EML6: variants seen among roughly 807,000 people sequenced by gnomAD.
EML6 encodes the protein echinoderm microtubule-associated protein-like 6.
In EML6, 154 loss-of-function variants were observed where a neutral mutation model predicts 240.1. The ratio of observed to expected loss-of-function variants is 0.64; its 90% CI spans 0.56 to 0.73. EML6 has a LOEUF of 0.73. Ranked by LOEUF, EML6 falls within the 30% of genes least tolerant of loss-of-function variation. The pLI is 0.00. For synonymous variants in EML6, 1,148 were observed against 899.0 expected, an observed-to-expected ratio of 1.28 and a Z score of -4.95; for missense variants, 2,964 against 2,474.6, an observed-to-expected ratio of 1.20 and a Z score of -4.20.
chr2:54,836,156 T>C (rs903794063), intron 7 of EML6, among the ~76,000 whole-genome samples: 1 of 152,062 alleles, frequency 6.6e-6, no homozygotes, highest in Non-Finnish European at 1.5e-5. Context: ...AGCCAGGAGA[T>C]GTGGTGTCAC....
intron 2 of EML6, among the ~76,000 whole-genome samples, chr2:54,803,343 G>T (rs891345068): frequency 2.6e-5 from 4 of 152,238 alleles, no homozygotes; most frequent in African/African-American, 9.6e-5. Flanking sequence ...CCTCAATTTA[G>T]CCCTATTTGT....
rs1674680674 is a variant in EML6, at chr2:54,928,518, AG to A, written c.3877+5del. The A allele has an allele frequency of 6.5e-7, 1 of 1,544,004 alleles. No homozygotes were observed. Among genetic ancestry groups the A allele is most frequent in the African/African-American group, 1.4e-5 (1 of 72,862 alleles). On this transcript the variant is annotated splice_donor_5th_base_variant and intron_variant, in intron 27 of 41. Coordinates refer to ENST00000356458, the MANE Select transcript of EML6 (RefSeq NM_001039753.4). ...ACCGACGTGGAAGAGGATGGAGGTG[AG>A]CCCCCCACCTGCCACATGCCTCCTG...
At chr2:54,802,203 A>G (rs1670189284) in intron 2 of EML6, among the ~76,000 whole-genome samples, 1 of 152,362 alleles carries the variant, frequency 6.6e-6, no homozygotes, top group Middle Eastern at 3.4e-3. Context: ...TAAAACACTG[A>G]TGGCAGAATT....
chr2:54,843,348 G>A (rs1371506817), intron 7 of EML6, among the ~76,000 whole-genome samples: 1 of 151,968 alleles, frequency 6.6e-6, no homozygotes, highest in Non-Finnish European at 1.5e-5. Context: ...GGATTACTTT[G>A]AGCCCCGGAA....
rs1011686223 is a variant in EML6, at chr2:54,879,813, A to T, written c.2438+173A>T. 12 of 595,884 alleles carry T rather than the reference A, an allele frequency of 2.0e-5. No homozygotes were observed. The African/African-American group carries it at 2.2e-4, about 11-fold the overall frequency. 36.9% of individuals were successfully genotyped at this position (595,884 alleles called of 1,614,324 possible). The stretch of plus-strand genomic sequence containing the variant: ...TATTTCATGGTGCCAAACCTGACTT[A>T]GAGCAGGTCATGTTTGTTGCGGTGA... On this transcript the variant is annotated intron_variant, in intron 17 of 41. Coordinates refer to ENST00000356458, the MANE Select transcript of EML6 (RefSeq NM_001039753.4).
At chr2:54,916,603 C>A (rs1371593131) in intron 25 of EML6, among the ~76,000 whole-genome samples, 156 bp from the exon 26 acceptor site, 2 of 152,176 alleles carry the variant, frequency 1.3e-5, no homozygotes, top group Non-Finnish European at 2.9e-5. Flanking sequence ...CAAATAACCA[C>A]TTTAAATATG....
chr2:54,860,988 C>G (rs1035026956), intron 12 of EML6, among the ~76,000 whole-genome samples: 2 of 152,186 alleles, frequency 1.3e-5, no homozygotes, highest in East Asian at 1.9e-4. Context: ...CAAACACTTA[C>G]AGGAGTGACA....
At position 54,950,798 on chromosome 2, in the gene EML6, A is replaced by G; in HGVS notation, c.4213+19A>G. 6.5e-7 allele frequency: 1 copy of G among 1,544,518 alleles called. No individual in the cohort carries two copies. Among genetic ancestry groups the G allele is most frequent in the African/African-American group, 1.4e-5 (1 of 72,668 alleles). The stretch of plus-strand genomic sequence containing the variant: ...TCCACAGGTAACCGGGGGTTAAAAA[A>G]TACAGGTTTTTCTTTTAGCTGTTTT... On this transcript the variant is annotated intron_variant, in intron 30 of 41. Transcript: ENST00000356458.
At chr2:54,902,985 G>A in intron 22 of EML6, 59 bp from the exon 23 acceptor site, 1 of 1,460,724 alleles carries the variant, frequency 6.8e-7, no homozygotes, top group Non-Finnish European at 9.3e-7. Flanking sequence ...ATCTTTTCAT[G>A]TGGTTTGCTT....
intron 2 of EML6, among the ~76,000 whole-genome samples, chr2:54,750,834 G>A (rs1684129611): frequency 6.6e-6 from 1 of 152,140 alleles, no homozygotes; most frequent in Non-Finnish European, 1.5e-5. Flanking sequence ...ACATATGACT[G>A]TAGCCCAGAA....
At chr2:54,856,825 GT>G (rs1670407686) in intron 11 of EML6, among the ~76,000 whole-genome samples, 1 of 152,208 alleles carries the variant, frequency 6.6e-6, no homozygotes, top group African/African-American at 2.4e-5. Flanking sequence ...TTTTAAGACT[GT>G]TTTGATATTT....
chr2:54,779,934 T>C (rs1393105334), intron 2 of EML6, among the ~76,000 whole-genome samples: 1 of 143,490 alleles, frequency 7.0e-6, no homozygotes, highest in Non-Finnish European at 1.5e-5. Flanking sequence ...AGGGAAAAAA[T>C]ATCTTTACAA....
chr2:54,832,599 C>A (rs1298638586), intron 7 of EML6, among the ~76,000 whole-genome samples: 1 of 152,182 alleles, frequency 6.6e-6, no homozygotes, highest in African/African-American at 2.4e-5. Flanking sequence ...TGGCGTAGCT[C>A]CCCCTTCAGC....
intron 5 of EML6, among the ~76,000 whole-genome samples, chr2:54,824,868 C>A (rs1668512742): frequency 6.6e-6 from 1 of 152,188 alleles, no homozygotes; most frequent in South Asian, 2.1e-4. Flanking sequence ...ACAAGGTCTC[C>A]TCATTTGATG....
At chr2:54,869,110 C>T in intron 14 of EML6, 71 bp from the exon 15 acceptor site, 4 of 1,030,274 alleles carry the variant, frequency 3.9e-6, no homozygotes, top group Non-Finnish European at 5.7e-6. Context: ...TTAGCCTTGC[C>T]TCTGACACCT....
chr2:54,946,275 GTC>G (rs1340970873), intron 28 of EML6, among the ~76,000 whole-genome samples: 6 of 151,988 alleles, frequency 3.9e-5, no homozygotes, highest in African/African-American at 1.2e-4. Flanking sequence ...CCCACCTCCA[GTC>G]TCTCACCCCC....
At position 54,962,625 on chromosome 2, in the gene EML6, T is replaced by C. The variant is rs1458840561; in HGVS notation, c.5071T>C (p.Trp1691Arg). Reference protein sequence around the residue: ...LIDGHMEGEIWGLATHPSKDL... With the variant: ...LIDGHMEGEIRGLATHPSKDL... ...TGATGGTCACATGGAAGGGGAGATC[T>C]GGGGCCTGGCCACTCACCCTTCCAA... is the stretch of plus-strand genomic sequence containing the variant. Residue 1691 changes from tryptophan to arginine, a missense_variant, in exon 36 of 42, where the codon TGG (tryptophan) becomes CGG (arginine). By Grantham distance (101) the Trp-to-Arg change is moderately radical. Transcript: ENST00000356458. The C allele has an allele frequency of 1.3e-6, 2 of 1,546,396 alleles. No homozygotes were observed.
intron 2 of EML6, among the ~76,000 whole-genome samples, chr2:54,773,533 C>T (rs1216632536): frequency 3.9e-5 from 6 of 152,220 alleles, no homozygotes; most frequent in African/African-American, 4.8e-5. Context: ...CATTATTCAT[C>T]TTTGGAGGGG....
At chr2:54,952,047 T>C (rs1308721897) in intron 30 of EML6, among the ~76,000 whole-genome samples, 1 of 152,226 alleles carries the variant, frequency 6.6e-6, no homozygotes. Flanking sequence ...TATGTCGAGT[T>C]AGGGCTTTCC....
Sources: allele counts gnomAD v4.1 joint callset (sites outside exome capture counted in the v4.1 genomes callset), GRCh38; gene constraint gnomAD v4.1.1; transcripts MANE v1.5; gene names NCBI Gene and HGNC (gene_info 2026-07-23, HGNC 2026-07-21).